Variants in TTC23L observed in about 807,000 individuals in gnomAD.
The protein encoded by TTC23L is tetratricopeptide repeat domain 23 like.
A neutral mutation model predicts 48.1 loss-of-function variants in TTC23L; 42 were observed. That is an observed-to-expected ratio of 0.87 (90% CI 0.68 to 1.13). The LOEUF is 1.13. TTC23L is among the 50% of genes most tolerant of loss of function. The pLI is 0.00. For missense variants in TTC23L, 391 were observed against 421.0 expected, an observed-to-expected ratio of 0.93 and a Z score of 0.62; for synonymous variants, 159 against 157.2, an observed-to-expected ratio of 1.01 and a Z score of -0.09.
chr5:34,923,173 T>G, the TTC23L span: 3 of 1,614,198 alleles, frequency 1.9e-6, no homozygotes, highest in African/African-American at 4.0e-5. Context: ...AGCCAACCAT[T>G]TGTGGACCAC....
chr5:34,925,134 A>T, the TTC23L span: 2 of 1,445,006 alleles, frequency 1.4e-6, no homozygotes, highest in Non-Finnish European at 1.8e-6. Flanking sequence ...CACTGGCTGA[A>T]AGGATATATG....
chr5:34,913,096 A>G, the TTC23L span, among the ~76,000 whole-genome samples: 1 of 152,210 alleles, frequency 6.6e-6, no homozygotes, highest in Non-Finnish European at 1.5e-5. Flanking sequence ...AGGAGTCAGA[A>G]CTGGCTTTTG....
At chr5:34,873,006 T>C (rs1345844611) in intron 8 of TTC23L, among the ~76,000 whole-genome samples, 1 of 151,138 alleles carries the variant, frequency 6.6e-6, no homozygotes, top group Admixed American at 6.6e-5. Context: ...GAAGTTGCAA[T>C]GAGCCGAGAT....
rs564655446 is a variant in TTC23L at position 34,843,040 on chromosome 5, G to A, written c.68+2301G>A. ...CCAGGCTGGTCTCGAACTCCTGACC[G>A]CAAGTGATCCATGCACCTCGGCCTT... On this transcript the variant is annotated intron_variant, in intron 2 of 10. Transcript: ENST00000505624. 1.2e-3 allele frequency among the ~76,000 whole-genome samples: 186 copies of A among 152,250 alleles called. 1 individual carries two copies. The highest frequency in any genetic ancestry group is 4.2e-3 in the African/African-American group (176 of 41,546).
chr5:34,881,399 G>A (rs2111671439), intron 9 of TTC23L, among the ~76,000 whole-genome samples: 1 of 152,292 alleles, frequency 6.6e-6, no homozygotes, highest in South Asian at 2.1e-4. Context: ...CTTTTGACTT[G>A]AACTTTATAT....
chr5:34,914,498 C>G, the TTC23L span: 1 of 597,740 alleles, frequency 1.7e-6, no homozygotes, highest in East Asian at 2.9e-5. Context: ...GAATTTGTTA[C>G]CGGGAGAGAA....
intron 9 of TTC23L, among the ~76,000 whole-genome samples, chr5:34,892,923 CAGAA>C (rs1459287151): frequency 1.3e-5 from 2 of 152,082 alleles, no homozygotes; most frequent in African/African-American, 2.4e-5. Context: ...ATTTAGTAGA[CAGAA>C]AGCAACCATC....
chr5:34,867,841 A>C (rs112495801), intron 7 of TTC23L: 5 of 152,394 alleles, frequency 3.3e-5, no homozygotes, highest in African/African-American at 1.2e-4. Flanking sequence ...TAAACATCAC[A>C]CAGTGGAGAG....
chr5:34,922,831 A>G, the TTC23L span: 31 of 1,453,168 alleles, frequency 2.1e-5, no homozygotes, highest in Non-Finnish European at 3.0e-5. Context: ...TTTTTAGTAG[A>G]TATAGTTGTG....
At chr5:34,877,361 C>CTTT (rs796888113) in intron 8 of TTC23L, among the ~76,000 whole-genome samples, 8 of 121,096 alleles carry the variant, frequency 6.6e-5, no homozygotes, top group African/African-American at 2.4e-4. Flanking sequence ...CACCATTGTT[C>CTTT]TTTTTTTTTT....
chr5:34,924,915 C>T, the TTC23L span: 1 of 1,612,502 alleles, frequency 6.2e-7, no homozygotes, highest in Non-Finnish European at 8.5e-7. Flanking sequence ...TAAAGATTTT[C>T]CAGGGAAGTT....
At chr5:34,852,857 T>C (rs561280473) in intron 4 of TTC23L, among the ~76,000 whole-genome samples, 54 of 152,238 alleles carry the variant, frequency 3.5e-4, no homozygotes, top group African/African-American at 1.2e-3. Flanking sequence ...CTCACAATCA[T>C]GATGGAAGGC....
intron 8 of TTC23L, among the ~76,000 whole-genome samples, chr5:34,874,235 A>T (rs982788872): frequency 2.0e-5 from 3 of 152,194 alleles, no homozygotes; most frequent in Non-Finnish European, 4.4e-5. Context: ...TATTAAAAGA[A>T]GTTCTTCAGA....
chr5:34,895,797 G>T (rs115456696), intron 9 of TTC23L, among the ~76,000 whole-genome samples: 180 of 152,322 alleles, frequency 1.2e-3, no homozygotes, highest in African/African-American at 4.2e-3. Flanking sequence ...GTGATATGCT[G>T]CAGTACATTT....
At chr5:34,852,942 A>G (rs751911659) in intron 4 of TTC23L, among the ~76,000 whole-genome samples, 42 of 152,180 alleles carry the variant, frequency 2.8e-4, no homozygotes, top group Non-Finnish European at 5.4e-4. Flanking sequence ...TTATAAAACC[A>G]TCAGATCTCA....
the TTC23L span, chr5:34,908,672 A>AAAATCCAAT: frequency 8.4e-7 from 1 of 1,186,016 alleles, no homozygotes; most frequent in East Asian, 2.4e-5. Context: ...TTCTCTATAG[A>AAAATCCAAT]AAATCCAATA....
At chr5:34,874,082 T>C (rs1472810602) in intron 8 of TTC23L, among the ~76,000 whole-genome samples, 1 of 152,190 alleles carries the variant, frequency 6.6e-6, no homozygotes, top group Non-Finnish European at 1.5e-5. Flanking sequence ...TAACTCCTCT[T>C]AGATCTGTCA....
chr5:34,901,369 G>C (rs753336788), downstream of TTC23L, among the ~76,000 whole-genome samples: 2 of 152,168 alleles, frequency 1.3e-5, no homozygotes, highest in Admixed American at 6.5e-5. Flanking sequence ...AACTGCCTTG[G>C]GAGGAATAGT....
chr5:34,883,424 C>A, intron 9 of TTC23L: 2 of 153,994 alleles, frequency 1.3e-5, no homozygotes, highest in South Asian at 1.9e-4. Context: ...AGAGATAGTT[C>A]CCTGGGTTCA....
Sources: gnomAD v4.1 joint callset for allele counts (sites outside exome capture counted in the v4.1 genomes callset) on GRCh38, gnomAD v4.1.1 for gene constraint, MANE v1.5 for transcripts, NCBI Gene and HGNC (gene_info 2026-07-23, HGNC 2026-07-21) for gene names.